PCDHA13: variants seen among roughly 807,000 people sequenced by gnomAD.
PCDHA13 encodes protocadherin alpha 13.
PCDHA13 carries 54 observed loss-of-function variants against 64.8 expected under a neutral mutation model. The ratio of observed to expected loss-of-function variants is 0.83; its 90% CI spans 0.67 to 1.04. The LOEUF (loss-of-function observed/expected upper bound fraction) is 1.04, where lower values mean the gene tolerates loss of function less well. Ranked by LOEUF, PCDHA13 falls within the 50% of genes least tolerant of loss-of-function variation. The pLI is 0.00. For synonymous variants in PCDHA13, 587 were observed against 564.4 expected (o/e 1.04, Z -0.57); for missense variants, 1,248 against 1,254.3 (o/e 0.99, Z 0.08).
chr5:140,958,775 A>C (rs1179723793), intron 1 of PCDHA13, among the ~76,000 whole-genome samples: 1 of 152,170 alleles, frequency 6.6e-6, no homozygotes, highest in African/African-American at 2.4e-5. Flanking sequence ...GTTTGAAATC[A>C]ACTTTCTATT....
intron 1 of PCDHA13, among the ~76,000 whole-genome samples, chr5:140,947,834 A>G (rs2094182215): frequency 6.6e-6 from 1 of 151,584 alleles, no homozygotes; most frequent in Non-Finnish European, 1.5e-5. Flanking sequence ...CAATATTAAT[A>G]TTTGTTTATT....
At chr5:140,915,626 G>GTCTC (rs57920489) in intron 1 of PCDHA13, among the ~76,000 whole-genome samples, 42,931 of 146,342 alleles carry the variant, frequency 0.29, 6,396 homozygotes, top group East Asian at 0.48. Context: ...GTCTCTTTCT[G>GTCTC]TCTCTCTCTC....
intron 1 of PCDHA13, among the ~76,000 whole-genome samples, chr5:140,893,642 T>C (rs1479834135): frequency 1.3e-5 from 2 of 152,230 alleles, no homozygotes; most frequent in African/African-American, 2.4e-5. Context: ...TATAGTATTT[T>C]TGGCTGATAG....
At chr5:141,002,676 T>C (rs2098090585) in intron 3 of PCDHA13, among the ~76,000 whole-genome samples, 1 of 152,196 alleles carries the variant, frequency 6.6e-6, no homozygotes, top group Non-Finnish European at 1.5e-5. Context: ...CCAAAACCTA[T>C]ACGACGTGCA....
intron 1 of PCDHA13, among the ~76,000 whole-genome samples, chr5:140,922,177 A>C (rs1194396252): frequency 2.9e-5 from 2 of 69,034 alleles, no homozygotes; most frequent in African/African-American, 9.2e-5. Context: ...TACAGCAGAC[A>C]AAAAAAAAGT....
chr5:140,983,009 G>C (rs1272086703), intron 3 of PCDHA13, among the ~76,000 whole-genome samples: 2 of 151,884 alleles, frequency 1.3e-5, no homozygotes, highest in Non-Finnish European at 2.9e-5. Flanking sequence ...AAAGAAAAAG[G>C]AAGGAAGGAA....
At position 140,883,865 on chromosome 5, in the gene PCDHA13, T is replaced by C; in HGVS notation, c.1597T>C (p.Phe533Leu). The part of the protein sequence containing the change: ...LDHEELELLQ[F>L]QVSARDSGVP... Reference sequence around the variant, plus strand: ...CCACGAGGAGCTGGAGCTGTTGCAGTTCCAGGTGAGCGCGCGCGACTCTGG... The same window carrying C: ...CCACGAGGAGCTGGAGCTGTTGCAGCTCCAGGTGAGCGCGCGCGACTCTGG... Residue 533 changes from phenylalanine to leucine, a missense_variant, in exon 1 of 4, where the codon TTC becomes CTC. Phe to Leu is a conservative substitution (Grantham distance 22). Transcript: ENST00000289272. The C allele has an allele frequency of 1.2e-6, 2 of 1,613,076 alleles. No homozygotes were observed. The highest frequency in any genetic ancestry group is 2.2e-5 in the East Asian group (1 of 44,832).
chr5:140,882,556 T>C lies in PCDHA13; in HGVS notation c.288T>C (p.Cys96=), dbSNP rs367760301. Residue 96 remains cysteine, a synonymous_variant, in exon 1 of 4, where the codon TGT becomes TGC. Coordinates refer to ENST00000289272, the MANE Select transcript of PCDHA13 (RefSeq NM_018904.3). ...CTCGGATCGACCGCGAGGAGCTGTG[T>C]GGGCGGAGCGCGGAGTGCAGCATCC... The part of the protein sequence containing the change: ...VNSRIDREEL[C]GRSAECSIHL... 6.4e-5 allele frequency: 103 copies of C among 1,614,070 alleles called. No homozygotes were observed. The highest frequency in any genetic ancestry group is 9.3e-5 in the African/African-American group (7 of 74,928).
intron 1 of PCDHA13, among the ~76,000 whole-genome samples, chr5:140,975,124 C>T (rs560299893): frequency 6.6e-6 from 1 of 152,268 alleles, no homozygotes; most frequent in African/African-American, 2.4e-5. Flanking sequence ...TTCCTACTTA[C>T]TATTGGCCTG....
rs189949937 is a variant in PCDHA13 at position 140,920,653 on chromosome 5, T to C, written c.2394+35991T>C. On this transcript the variant is annotated intron_variant, in intron 1 of 3. Coordinates refer to ENST00000289272, the MANE Select transcript of PCDHA13 (RefSeq NM_018904.3). ...AAGGTCAAGAGATTGAGACCATCCT[T>C]GCCAACATGGTGAAACCCCATCTCT... is the stretch of plus-strand genomic sequence containing the variant. Among the ~76,000 whole-genome samples, 1,219 of 152,042 alleles carry C rather than the reference T, an allele frequency of 8.0e-3. 5 individuals carry two copies. Among genetic ancestry groups the C allele is most frequent in the African/African-American group, 0.019 (786 of 41,502 alleles).
At chr5:140,913,734 A>C (rs1408251545) in intron 1 of PCDHA13, among the ~76,000 whole-genome samples, 1 of 152,070 alleles carries the variant, frequency 6.6e-6, no homozygotes, top group African/African-American at 2.4e-5. Context: ...TCCCTCTAAT[A>C]GTACTCCTTT....
chr5:141,005,821 C>T (rs557161446), intron 3 of PCDHA13, among the ~76,000 whole-genome samples: 1 of 150,884 alleles, frequency 6.6e-6, no homozygotes, highest in African/African-American at 2.4e-5. Context: ...GGTATGGTGG[C>T]CTGTAGTCCC....
At chr5:141,005,939 C>A (rs1183397075) in intron 3 of PCDHA13, among the ~76,000 whole-genome samples, 2 of 151,786 alleles carry the variant, frequency 1.3e-5, no homozygotes, top group Non-Finnish European at 2.9e-5. Flanking sequence ...AGAGTGAGAA[C>A]CTATCTCTAA....
intron 3 of PCDHA13, among the ~76,000 whole-genome samples, chr5:140,983,433 G>A (rs1306046524): frequency 1.3e-5 from 2 of 152,208 alleles, no homozygotes; most frequent in African/African-American, 4.8e-5. Context: ...CACAAATTGT[G>A]TCTACTCTAA....
chr5:140,991,075 G>A (rs2097430816), intron 3 of PCDHA13, among the ~76,000 whole-genome samples: 1 of 152,134 alleles, frequency 6.6e-6, no homozygotes, highest in Non-Finnish European at 1.5e-5. Flanking sequence ...CCATGTTTCA[G>A]ATAAAAAAAT....
rs531996502 is a variant in PCDHA13, at chr5:140,944,251, G to A, written c.2395-34698G>A. Among the ~76,000 whole-genome samples the A allele has an allele frequency of 2.2e-4, 33 of 152,302 alleles. No individual in the cohort carries two copies. In the South Asian group the frequency reaches 6.8e-3, roughly 32 times the overall value. On this transcript the variant is annotated intron_variant, in intron 1 of 3. Transcript: ENST00000289272. ...CGCTCAGGCTGGAGTGCAGTGATGT[G>A]ATCACTGCTCACTGCAGCCTTGACA...
chr5:140,924,293 C>T (rs2081770008), intron 1 of PCDHA13, among the ~76,000 whole-genome samples: 1 of 152,192 alleles, frequency 6.6e-6, no homozygotes, highest in African/African-American at 2.4e-5. Context: ...AATAGGCTGA[C>T]ATGTTTCCTC....
intron 1 of PCDHA13, among the ~76,000 whole-genome samples, chr5:140,934,654 T>G (rs1178051306): frequency 6.6e-6 from 1 of 152,168 alleles, no homozygotes; most frequent in African/African-American, 2.4e-5. Flanking sequence ...AATGTTTGAT[T>G]CTTCCCCTTT....
intron 1 of PCDHA13, among the ~76,000 whole-genome samples, chr5:140,886,671 C>A (rs1411583056): frequency 6.6e-6 from 1 of 151,634 alleles, no homozygotes; most frequent in East Asian, 1.9e-4. Context: ...ACTAAAAATA[C>A]AAAAATTAGC....
Sources: allele counts gnomAD v4.1 joint callset (sites outside exome capture counted in the v4.1 genomes callset), GRCh38; gene constraint gnomAD v4.1.1; transcripts MANE v1.5; gene names NCBI Gene and HGNC (gene_info 2026-07-23, HGNC 2026-07-21).